MEGF10: variants seen among roughly 807,000 people sequenced by gnomAD.
MEGF10 encodes multiple epidermal growth factor-like domains protein 10.
A neutral mutation model predicts 147.5 loss-of-function variants in MEGF10; 86 were observed. The observed-to-expected ratio is 0.58, with a 90% CI of 0.49 to 0.70. MEGF10 has a LOEUF of 0.70. MEGF10 is among the 30% of genes least tolerant of loss of function. The pLI, the probability that MEGF10 is intolerant of heterozygous loss-of-function variation, is 0.00. For synonymous variants in MEGF10, 478 were observed against 525.5 expected (o/e 0.91, Z 1.24); for missense variants, 1,329 against 1,487.3 (o/e 0.89, Z 1.75).
At chr5:127,293,403 T>C (rs1344749803) in intron 1 of MEGF10, among the ~76,000 whole-genome samples, 1 of 152,190 alleles carries the variant, frequency 6.6e-6, no homozygotes, top group Non-Finnish European at 1.5e-5. Context: ...AATATTAGAG[T>C]GAACTATGAG....
At chr5:127,334,985 A>G (rs1276180862) in intron 2 of MEGF10, among the ~76,000 whole-genome samples, 3 of 151,690 alleles carry the variant, frequency 2.0e-5, no homozygotes, top group Admixed American at 6.6e-5. Context: ...CTCCTCCCCC[A>G]CTCCCTGGTT....
chr5:127,229,573 G>GA, the MEGF10 span: 3 of 152,516 alleles, frequency 2.0e-5, no homozygotes, highest in Admixed American at 2.0e-4. Context: ...GCCGAGGAGT[G>GA]AAAGAACGGG....
intron 5 of MEGF10, among the ~76,000 whole-genome samples, chr5:127,380,064 C>CTT (rs1340327929): frequency 1.3e-4 from 10 of 76,076 alleles, no homozygotes; most frequent in Admixed American, 3.6e-4. Flanking sequence ...GATTTGTTAA[C>CTT]TTGTTTTTTT....
chr5:127,438,954 G>A (rs1765654652), intron 17 of MEGF10, among the ~76,000 whole-genome samples: 1 of 152,144 alleles, frequency 6.6e-6, no homozygotes, highest in African/African-American at 2.4e-5. Context: ...GTGCGCTCTT[G>A]GAAAAGGTGG....
At chr5:127,258,234 C>G in the MEGF10 span, among the ~76,000 whole-genome samples, 1 of 152,134 alleles carries the variant, frequency 6.6e-6, no homozygotes, top group African/African-American at 2.4e-5. Context: ...CAGTCATTCT[C>G]TCTTTGGGGT....
chr5:127,445,910 T>A (rs1298951425), intron 20 of MEGF10, among the ~76,000 whole-genome samples: 2 of 152,214 alleles, frequency 1.3e-5, no homozygotes, highest in African/African-American at 4.8e-5. Context: ...GTTTTAAAAT[T>A]GAGCTCATTG....
the MEGF10 span, among the ~76,000 whole-genome samples, chr5:127,282,367 C>G: frequency 3.9e-5 from 6 of 152,180 alleles, no homozygotes; most frequent in South Asian, 1.0e-3. Flanking sequence ...CTGGTGGTGT[C>G]GAAGTTGGTT....
At chr5:127,384,770 G>T (rs1243646378) in intron 5 of MEGF10, among the ~76,000 whole-genome samples, 1 of 152,200 alleles carries the variant, frequency 6.6e-6, no homozygotes, top group East Asian at 1.9e-4. Flanking sequence ...TGTGAAGGAC[G>T]TGGGGTTTTA....
intron 5 of MEGF10, among the ~76,000 whole-genome samples, chr5:127,393,943 G>C (rs1763806652): frequency 6.6e-6 from 1 of 151,604 alleles, no homozygotes; most frequent in African/African-American, 2.4e-5. Flanking sequence ...AATCAGTTCT[G>C]TCCCCTCAGT....
chr5:127,341,582 C>G (rs1761686481), intron 4 of MEGF10, among the ~76,000 whole-genome samples: 1 of 152,134 alleles, frequency 6.6e-6, no homozygotes, highest in African/African-American at 2.4e-5. Context: ...TAGTACATAT[C>G]TCGTCTTTCT....
At chr5:127,380,166 T>C (rs535965499) in intron 5 of MEGF10, among the ~76,000 whole-genome samples, 1 of 152,112 alleles carries the variant, frequency 6.6e-6, no homozygotes, top group East Asian at 1.9e-4. Context: ...TATCACTGAA[T>C]GTCTAGCACA....
the MEGF10 span, among the ~76,000 whole-genome samples, chr5:127,230,273 AGGGAAAG>A: frequency 6.6e-6 from 1 of 152,228 alleles, no homozygotes; most frequent in Non-Finnish European, 1.5e-5. Flanking sequence ...CCCATTGATC[AGGGAAAG>A]GGGTGGAGCT....
chr5:127,316,572 A>T (rs900156060), intron 1 of MEGF10, among the ~76,000 whole-genome samples: 7 of 152,168 alleles, frequency 4.6e-5, no homozygotes, highest in African/African-American at 1.7e-4. Context: ...CTGCAGTTGT[A>T]TATTAGCAAT....
intron 4 of MEGF10, among the ~76,000 whole-genome samples, chr5:127,361,462 C>T (rs149037728): frequency 1.2e-3 from 177 of 152,062 alleles, no homozygotes; most frequent in African/African-American, 2.8e-3. Context: ...CTGATCTTCT[C>T]AAAGAACTAG....
intron 4 of MEGF10, among the ~76,000 whole-genome samples, chr5:127,356,444 C>T (rs1762284265): frequency 6.6e-6 from 1 of 152,158 alleles, no homozygotes; most frequent in Non-Finnish European, 1.5e-5. Context: ...AGAGTTAAGA[C>T]AGAGAAACTC....
At chr5:127,403,147 A>T (rs1764192525) in intron 8 of MEGF10, among the ~76,000 whole-genome samples, 3 of 152,186 alleles carry the variant, frequency 2.0e-5, no homozygotes, top group African/African-American at 7.2e-5. Context: ...GCTGGAACTT[A>T]TAGGGCCCTC....
At chr5:127,431,996 A>T (rs1561643209) in intron 13 of MEGF10, among the ~76,000 whole-genome samples, 1 of 152,312 alleles carries the variant, frequency 6.6e-6, no homozygotes, top group East Asian at 1.9e-4. Flanking sequence ...AAAAAAATCA[A>T]CATAGTAGGC....
At chr5:127,238,444 C>CCAT in the MEGF10 span, among the ~76,000 whole-genome samples, 2 of 152,206 alleles carry the variant, frequency 1.3e-5, no homozygotes, top group South Asian at 4.2e-4. Context: ...GGAAACATTA[C>CCAT]CATCATCATC....
chr5:127,276,750 T>G, the MEGF10 span, among the ~76,000 whole-genome samples: 2 of 152,156 alleles, frequency 1.3e-5, no homozygotes, highest in African/African-American at 4.8e-5. Flanking sequence ...AGTTTTTATT[T>G]TAGTGGGAGA....
Sources: allele counts gnomAD v4.1 joint callset (sites outside exome capture counted in the v4.1 genomes callset), GRCh38; gene constraint gnomAD v4.1.1; transcripts MANE v1.5; gene names NCBI Gene and HGNC (gene_info 2026-07-23, HGNC 2026-07-21).